Variants in PDE4D observed in about 807,000 individuals in gnomAD.
PDE4D encodes 3',5'-cyclic-AMP phosphodiesterase 4D.
Under a neutral mutation model 87.4 loss-of-function variants are expected in PDE4D, and 24 were observed. That is an observed-to-expected ratio of 0.27 (90% CI 0.20 to 0.39). The LOEUF (loss-of-function observed/expected upper bound fraction) is 0.39, where lower values mean the gene tolerates loss of function less well. PDE4D is among the 10% of genes least tolerant of loss of function. The probability of loss-of-function intolerance (pLI) is 1.00; values close to 1 mark genes in which losing one functional copy is unlikely to be tolerated. For synonymous variants in PDE4D, 384 were observed against 383.2 expected (o/e 1.00, Z -0.02); for missense variants, 714 against 1,041.0 (o/e 0.69, Z 4.32).
At chr5:60,151,615 A>G (rs1405541940) in intron 2 of PDE4D, among the ~76,000 whole-genome samples, 2 of 152,180 alleles carry the variant, frequency 1.3e-5, no homozygotes, top group African/African-American at 2.4e-5. Context: ...CTGCAAGTTT[A>G]CTGAATTTGC....
At chr5:60,305,243 G>C (rs1754384793) in intron 1 of PDE4D, among the ~76,000 whole-genome samples, 2 of 152,028 alleles carry the variant, frequency 1.3e-5, no homozygotes, top group Non-Finnish European at 2.9e-5. Context: ...GAGGATTCCA[G>C]GTAGGTTAAA....
At chr5:59,060,186 T>C (rs542822015) in intron 5 of PDE4D, among the ~76,000 whole-genome samples, 56 of 152,252 alleles carry the variant, frequency 3.7e-4, no homozygotes, top group African/African-American at 1.3e-3. Flanking sequence ...CCATATTGGA[T>C]GGTGAGTTGA....
chr5:60,090,377 T>C lies in PDE4D; in HGVS notation c.42+95180A>G, dbSNP rs1774998206. 2.0e-5 allele frequency among the ~76,000 whole-genome samples: 3 copies of C among 152,256 alleles called. No homozygotes were observed. The South Asian group carries it at 6.2e-4, about 32-fold the overall frequency. On this transcript the variant is annotated intron_variant, in intron 2 of 16. Coordinates refer to the PDE4D transcript ENST00000502484. Reference sequence around the variant, plus strand: ...AGGGTTGCAGGGATAATTCAACATATGTAAATCAATCAATGTGATACATTG... The same window carrying C: ...AGGGTTGCAGGGATAATTCAACATACGTAAATCAATCAATGTGATACATTG...
chr5:59,881,756 G>T (rs1372199427), intron 1 of PDE4D, among the ~76,000 whole-genome samples: 2 of 152,124 alleles, frequency 1.3e-5, no homozygotes, highest in Non-Finnish European at 2.9e-5. Flanking sequence ...TTTGGTGAAA[G>T]AAATTGGCCT....
chr5:59,668,819 GAA>G (rs1746563835), intron 1 of PDE4D, among the ~76,000 whole-genome samples: 2 of 90,828 alleles, frequency 2.2e-5, no homozygotes, highest in Admixed American at 2.3e-4. Flanking sequence ...AGAAGAAGAA[GAA>G]GAAGAAGAAG....
At chr5:59,525,548 G>A (rs1812954216) in intron 1 of PDE4D, among the ~76,000 whole-genome samples, 1 of 152,218 alleles carries the variant, frequency 6.6e-6, no homozygotes, top group African/African-American at 2.4e-5. Context: ...ACGCTGAAAT[G>A]AGTCAAGACT....
intron 1 of PDE4D, chr5:59,703,684 T>A (rs1245677877): frequency 2.0e-6 from 1 of 512,548 alleles, no homozygotes; most frequent in Non-Finnish European, 4.0e-6. Context: ...GTTGAACAAC[T>A]GTAATCAAAG....
intron 2 of PDE4D, among the ~76,000 whole-genome samples, chr5:60,125,556 T>C (rs1233598679): frequency 6.6e-6 from 1 of 152,006 alleles, no homozygotes. Flanking sequence ...GCTGTACTCC[T>C]GCAGAAATGT....
chr5:60,001,393 C>G (rs1234128553), intron 2 of PDE4D, among the ~76,000 whole-genome samples: 2 of 152,074 alleles, frequency 1.3e-5, no homozygotes, highest in South Asian at 2.1e-4. Context: ...GAATACTGTA[C>G]CCTGCAAAGT....
At chr5:60,287,108 C>G (rs576708037) in intron 1 of PDE4D, among the ~76,000 whole-genome samples, 1 of 152,044 alleles carries the variant, frequency 6.6e-6, no homozygotes, top group Non-Finnish European at 1.5e-5. Flanking sequence ...AATTATATTC[C>G]GAAAGTCTTT....
intron 1 of PDE4D, among the ~76,000 whole-genome samples, chr5:60,511,354 A>T (rs35385): frequency 0.65 from 99,245 of 151,980 alleles, 34,043 homozygotes; most frequent in African/African-American, 0.87. Context: ...ATTTATTATA[A>T]GCTGTTGACT....
At chr5:58,995,042 AAAAC>A (rs150937732) in intron 6 of PDE4D, among the ~76,000 whole-genome samples, 9,194 of 151,822 alleles carry the variant, frequency 0.061, 377 homozygotes, top group South Asian at 0.088. Flanking sequence ...TGCTGGGGAA[AAAAC>A]AAACAAACAA....
intron 1 of PDE4D, among the ~76,000 whole-genome samples, chr5:59,878,887 G>GT (rs70975345): frequency 0.016 from 1,115 of 71,740 alleles, 206 homozygotes; most frequent in African/African-American, 0.043. Context: ...ACCGAAGTAA[G>GT]TTTTTTTTTT....
intron 1 of PDE4D, among the ~76,000 whole-genome samples, chr5:59,883,467 A>G (rs1311752379): frequency 1.3e-5 from 2 of 152,206 alleles, no homozygotes; most frequent in Non-Finnish European, 2.9e-5. Flanking sequence ...TCCAGTGCTG[A>G]TAGATTTTCA....
At chr5:59,540,482 G>C (rs1816126499) in intron 1 of PDE4D, among the ~76,000 whole-genome samples, 1 of 152,140 alleles carries the variant, frequency 6.6e-6, no homozygotes, top group South Asian at 2.1e-4. Flanking sequence ...AACATGTTTT[G>C]CCTCAATTGT....
chr5:60,468,719 T>A (rs1747588494), intron 1 of PDE4D, among the ~76,000 whole-genome samples: 3 of 151,790 alleles, frequency 2.0e-5, no homozygotes. Flanking sequence ...AAGATGGGGA[T>A]CTTACTATGT....
At chr5:60,492,505 C>A (rs928821228), upstream of PDE4D, among the ~76,000 whole-genome samples, 6 of 151,948 alleles carry the variant, frequency 3.9e-5, no homozygotes, top group African/African-American at 1.5e-4. Context: ...AAGCTCACTG[C>A]AATAAATATA....
chr5:59,408,657 G>T (rs1792127501), intron 1 of PDE4D, among the ~76,000 whole-genome samples: 1 of 152,216 alleles, frequency 6.6e-6, no homozygotes, highest in African/African-American at 2.4e-5. Flanking sequence ...AGTCATGGAG[G>T]CTTCACCTTG....
rs556492568 is a variant in PDE4D at position 59,264,745 on chromosome 5, A to G, written c.456-48777T>C. 1.5e-4 allele frequency among the ~76,000 whole-genome samples: 23 copies of G among 152,154 alleles called. No homozygotes were observed. The South Asian group carries it at 3.7e-3, about 25-fold the overall frequency. Reference sequence around the variant, plus strand: ...TTTTGTTTTGTTTTGGTAACTACTCATAATAAAATAGTAGATATCAGAGAC... The same window carrying G: ...TTTTGTTTTGTTTTGGTAACTACTCGTAATAAAATAGTAGATATCAGAGAC... On this transcript the variant is annotated intron_variant, in intron 1 of 14. Transcript: ENST00000340635.
Sources: allele counts gnomAD v4.1 joint callset (sites outside exome capture counted in the v4.1 genomes callset), GRCh38; gene constraint gnomAD v4.1.1; transcripts MANE v1.5; gene names NCBI Gene and HGNC (gene_info 2026-07-23, HGNC 2026-07-21).